The following USP54 variants were observed in gnomAD, a reference collection of about 807,000 sequenced individuals.
USP54 encodes the protein ubiquitin specific peptidase 54.
A neutral mutation model predicts 170.5 loss-of-function variants in USP54; 87 were observed. That is an observed-to-expected ratio of 0.51 (90% CI 0.43 to 0.61). The LOEUF is 0.61. USP54 is among the 20% of genes least tolerant of loss of function. The pLI is 0.00. For synonymous variants in USP54, 655 were observed against 742.8 expected (o/e 0.88, Z 1.92); for missense variants, 1,786 against 2,047.8 (o/e 0.87, Z 2.47).
At chr10:73,611,370 A>C (rs1182688567) in intron 1 of USP54, among the ~76,000 whole-genome samples, 1 of 152,152 alleles carries the variant, frequency 6.6e-6, no homozygotes, top group African/African-American at 2.4e-5. Flanking sequence ...AGTGAAGTAC[A>C]AGGTATGGTA....
intron 4 of USP54, among the ~76,000 whole-genome samples, chr10:73,554,491 C>T (rs1050565875): frequency 3.9e-5 from 6 of 152,176 alleles, no homozygotes; most frequent in Admixed American, 6.5e-5. Flanking sequence ...GGAAAAGAGA[C>T]GTTCACTTGG....
At chr10:73,525,694 G>T (rs891474710) in intron 16 of USP54, among the ~76,000 whole-genome samples, 12 of 152,232 alleles carry the variant, frequency 7.9e-5, no homozygotes, top group Middle Eastern at 6.3e-3. Context: ...TCTTCCACGT[G>T]TCTCTAACTA....
At chr10:73,581,934 C>T (rs2076946880) in intron 1 of USP54, among the ~76,000 whole-genome samples, 1 of 152,130 alleles carries the variant, frequency 6.6e-6, no homozygotes, top group African/African-American at 2.4e-5. Context: ...TAGAAAAAAA[C>T]ACTTTCTCTG....
Position 73,530,135 on chromosome 10 carries a change from C to G in USP54, c.1828+8G>C, listed in dbSNP as rs376031725. 3 of 1,593,160 alleles carry G rather than the reference C, an allele frequency of 1.9e-6. No homozygotes were observed. The highest frequency in any genetic ancestry group is 2.7e-5 in the African/African-American group (2 of 73,864). ...AAAAGCCCAATTCTTCCCTAATTAT[C>G]TCCTCACCTGAATCCTCAGAAAAGG... On this transcript the variant is annotated splice_region_variant and intron_variant, in intron 14 of 23. Transcript: ENST00000687698.
upstream of USP54, among the ~76,000 whole-genome samples, chr10:73,596,198 GATCAT>G: frequency 2.0e-5 from 3 of 151,914 alleles, no homozygotes; most frequent in African/African-American, 7.3e-5. Context: ...AAGGTGGACA[GATCAT>G]TTGAGGTCAG....
chr10:73,542,320 G>C (rs1314827189), intron 7 of USP54, among the ~76,000 whole-genome samples: 1 of 152,114 alleles, frequency 6.6e-6, no homozygotes, highest in Non-Finnish European at 1.5e-5. Context: ...GGCTGGTCTC[G>C]AACTCTTAGC....
intron 1 of USP54, among the ~76,000 whole-genome samples, chr10:73,578,878 T>C (rs1407837587): frequency 6.6e-6 from 1 of 150,990 alleles, no homozygotes; most frequent in Non-Finnish European, 1.5e-5. Flanking sequence ...ACAAAAAACC[T>C]AAAACTATAA....
At chr10:73,526,851 T>G (rs1451354642) in intron 15 of USP54, 71 bp from the exon 16 acceptor site, 37 of 1,497,084 alleles carry the variant, frequency 2.5e-5, no homozygotes, top group Non-Finnish European at 3.2e-5. Context: ...GGACTAAATC[T>G]CTCTCTCAAA....
intron 1 of USP54, among the ~76,000 whole-genome samples, chr10:73,577,119 C>T (rs1261867515): frequency 1.3e-5 from 2 of 152,122 alleles, no homozygotes; most frequent in African/African-American, 2.4e-5. Context: ...AGGAAATCAC[C>T]ACATCTCCAG....
rs750149951 is a variant in USP54 at position 73,529,620 on chromosome 10, C to G, written c.2060+60G>C. The G allele has an allele frequency of 3.1e-6, 5 of 1,599,956 alleles. No individual in the cohort carries two copies. In the Admixed American group the frequency reaches 8.3e-5, roughly 27 times the overall value. On this transcript the variant is annotated intron_variant, in intron 15 of 23. Transcript: ENST00000687698. ...TTGTCTCAGCCATGCCTGAAAGCCC[C>G]AAGTAGGTGGCTCACATTGCTGCAA...
chr10:73,571,316 T>C (rs2075159721), intron 4 of USP54, 105 bp downstream of exon 4: 1 of 931,646 alleles, frequency 1.1e-6, no homozygotes, highest in African/African-American at 1.6e-5. Context: ...AGGTAGATAA[T>C]TCAGTAACAA....
intron 1 of USP54, 39 bp downstream of exon 1, chr10:73,591,239 C>A (rs2078213820): frequency 6.6e-6 from 1 of 151,974 alleles, no homozygotes; most frequent in Non-Finnish European, 1.5e-5. Flanking sequence ...CCTGAATCTT[C>A]TATCTATCTG....
chr10:73,547,609 C>A (rs940247959), intron 4 of USP54, among the ~76,000 whole-genome samples: 12 of 152,108 alleles, frequency 7.9e-5, no homozygotes, highest in African/African-American at 2.9e-4. Flanking sequence ...CTTTGACAAA[C>A]CTGACAAAAT....
chr10:73,516,320 T>C, intron 20 of USP54, 55 bp downstream of exon 20: 6 of 1,539,270 alleles, frequency 3.9e-6, no homozygotes, highest in Non-Finnish European at 5.3e-6. Flanking sequence ...CTTTCCCTGC[T>C]TTCAGCTTTT....
chr10:73,567,299 A>G (rs971183882), intron 4 of USP54, among the ~76,000 whole-genome samples: 2 of 152,148 alleles, frequency 1.3e-5, no homozygotes, highest in African/African-American at 4.8e-5. Flanking sequence ...TGTAAGATTT[A>G]TTCATATTTA....
intron 1 of USP54, among the ~76,000 whole-genome samples, chr10:73,576,838 T>C (rs374553626): frequency 1.3e-4 from 20 of 152,256 alleles, no homozygotes; most frequent in African/African-American, 4.8e-4. Context: ...TGAGTAAAGA[T>C]GTTCCATCCA....
intron 1 of USP54, among the ~76,000 whole-genome samples, chr10:73,586,825 C>A (rs1003791601): frequency 6.6e-6 from 1 of 152,174 alleles, no homozygotes; most frequent in African/African-American, 2.4e-5. Context: ...AACTCTCCAG[C>A]GAATAGTTAC....
intron 1 of USP54, among the ~76,000 whole-genome samples, chr10:73,625,375 G>T (rs2081445379): frequency 6.6e-6 from 1 of 152,098 alleles, no homozygotes; most frequent in African/African-American, 2.4e-5. Flanking sequence ...AAGAGGGAAA[G>T]GAGGCGGCGA....
At chr10:73,567,752 A>C (rs1287102536) in intron 4 of USP54, among the ~76,000 whole-genome samples, 1 of 152,214 alleles carries the variant, frequency 6.6e-6, no homozygotes, top group Non-Finnish European at 1.5e-5. Context: ...CTTCTGACTT[A>C]TCAGTAGATT....
Sources: gnomAD v4.1 joint callset for allele counts (sites outside exome capture counted in the v4.1 genomes callset) on GRCh38, gnomAD v4.1.1 for gene constraint, MANE v1.5 for transcripts, NCBI Gene and HGNC (gene_info 2026-07-23, HGNC 2026-07-21) for gene names.